Variants in RDH14 observed in about 807,000 individuals in gnomAD.
RDH14 encodes the protein alcohol dehydrogenase PAN2.
RDH14 carries 17 observed loss-of-function variants against 19.3 expected under a neutral mutation model. That is an observed-to-expected ratio of 0.88 (90% CI 0.60 to 1.32). RDH14 has a LOEUF of 1.32. RDH14 is among the 40% of genes most tolerant of loss of function. The pLI is 0.00. For missense variants in RDH14, 534 were observed against 449.2 expected, an observed-to-expected ratio of 1.19 and a Z score of -1.71; for synonymous variants, 215 against 188.9, an observed-to-expected ratio of 1.14 and a Z score of -1.13.
rs1315809648 is a variant in RDH14 at position 18,555,313 on chromosome 2, C to T, written c.889G>A (p.Gly297Arg). ...IYLASSPEVE[G>R]VSGRYFGDCK... ...TCCCCAAAGTATCTTCCTGACACTCCTTCTACCTCAGGTGAAGAGGCCAAA... is the reference window on the plus strand; with the variant it reads ...TCCCCAAAGTATCTTCCTGACACTCTTTCTACCTCAGGTGAAGAGGCCAAA... Residue 297 changes from glycine (G) to arginine (R), a missense_variant, in exon 2 of 2, where the codon GGA becomes AGA. Transcript: ENST00000381249. 1 of 1,614,094 alleles carries T rather than the reference C, an allele frequency of 6.2e-7. No individual in the cohort carries two copies. Among genetic ancestry groups the T allele is most frequent in the Admixed American group, 1.7e-5 (1 of 60,018 alleles).
chr2:18,558,928 T>TGA (rs1664000219), intron 1 of RDH14, among the ~76,000 whole-genome samples: 2 of 152,192 alleles, frequency 1.3e-5, no homozygotes, highest in African/African-American at 4.8e-5. Flanking sequence ...GATTGATGTC[T>TGA]CATGTCTCCC....
chr2:18,557,040 G>A (rs907766736), intron 1 of RDH14, among the ~76,000 whole-genome samples: 1 of 152,118 alleles, frequency 6.6e-6, no homozygotes, highest in African/African-American at 2.4e-5. Flanking sequence ...GCGTAAAGGG[G>A]ACTCTAGGAG....
In RDH14 at chr2:18,555,401, G is replaced by C. The variant is rs762476130; in HGVS notation, c.801C>G (p.Leu267=). ...HIHIPLLVKP[L]FNLVSWAFFK... is the part of the protein sequence containing the mutation. ...AAAAAGCCCATGACACCAAATTGAA[G>C]AGTGGTTTGACCAACAGTGGAATGT... The change falls in exon 2 of 2, where the codon CTC becomes CTG. Residue 267 remains leucine, a synonymous_variant. Transcript: ENST00000381249. 3 of 1,614,076 alleles carry C rather than the reference G, an allele frequency of 1.9e-6. No individual in the cohort carries two copies. In the Admixed American group the frequency reaches 5.0e-5, roughly 27 times the overall value.
At chr2:18,556,500 C>T (rs1014213179) in intron 1 of RDH14, among the ~76,000 whole-genome samples, 120 of 152,242 alleles carry the variant, frequency 7.9e-4, no homozygotes, top group African/African-American at 2.6e-3. Context: ...AAAATAGATG[C>T]AGAAGCTTGA....
In RDH14 at chr2:18,560,580, C is replaced by A; in HGVS notation, c.-8G>T. On this transcript the variant is annotated 5_prime_UTR_variant, in exon 1 of 2. Coordinates refer to ENST00000381249, the MANE Select transcript of RDH14 (RefSeq NM_020905.4). ...CGCAGTGGCCACTGCCATCGTCAGG[C>A]CCGAGGGCCCACCGGCCCCTCCACG... The A allele has an allele frequency of 7.0e-7, 1 of 1,428,480 alleles. No individual in the cohort carries two copies. The allele number at this position is 1,428,480 out of a possible 1,614,324, so 88.5% of individuals were successfully genotyped here.
rs925373367 is a variant in RDH14 at position 18,560,631 on chromosome 2, G to A, written c.-59C>T. The A allele has an allele frequency of 1.7e-5, 23 of 1,377,560 alleles. No individual in the cohort carries two copies. Among genetic ancestry groups the A allele is most frequent in the Non-Finnish European group, 2.0e-5 (22 of 1,075,066 alleles). 85.3% of individuals were successfully genotyped at this position (1,377,560 alleles called of 1,614,324 possible). A position where few individuals can be genotyped will look rare whatever the true frequency, so the allele number is the denominator to read the frequency against. On this transcript the variant is annotated 5_prime_UTR_variant, in exon 1 of 2. Transcript: ENST00000381249. ...GGAGTTCCGCAGCCGCCGCCTTACC[G>A]GAACCCAAGAGACCACCTGTACGCG...
intron 1 of RDH14, among the ~76,000 whole-genome samples, chr2:18,558,052 G>C (rs1663972627): frequency 6.6e-6 from 1 of 152,174 alleles, no homozygotes; most frequent in Non-Finnish European, 1.5e-5. Context: ...ACTAGCTCCA[G>C]GTGGTTCACA....
rs1289717880 is a variant in RDH14, at chr2:18,555,400, A to C, written c.802T>G (p.Phe268Val). 1 of 1,614,146 alleles carries C rather than the reference A, an allele frequency of 6.2e-7. No homozygotes were observed. Among genetic ancestry groups the C allele is most frequent in the Non-Finnish European group, 8.5e-7 (1 of 1,179,996 alleles). ...AAAAAAGCCCATGACACCAAATTGAAGAGTGGTTTGACCAACAGTGGAATG... is the reference window on the plus strand; with the variant it reads ...AAAAAAGCCCATGACACCAAATTGACGAGTGGTTTGACCAACAGTGGAATG... ...IHIPLLVKPL[F>V]NLVSWAFFKT... The change falls in exon 2 of 2, where the codon TTC (phenylalanine) becomes GTC (valine). Residue 268 changes from phenylalanine to valine, a missense_variant. Transcript: ENST00000381249.
At chr2:18,556,550 T>C (rs1663927558) in intron 1 of RDH14, among the ~76,000 whole-genome samples, 1 of 152,206 alleles carries the variant, frequency 6.6e-6, no homozygotes, top group South Asian at 2.1e-4. Context: ...TCACCACATC[T>C]AATTCCAACA....
rs1244533674 is a variant in RDH14 at position 18,555,687 on chromosome 2, G to T, written c.515C>A (p.Thr172Asn). 1 of 1,613,986 alleles carries T rather than the reference G, an allele frequency of 6.2e-7. No individual in the cohort carries two copies. The highest frequency in any genetic ancestry group is 8.5e-7 in the Non-Finnish European group (1 of 1,179,972). Residue 172 changes from threonine to asparagine, a missense_variant, in exon 2 of 2, where the codon ACC becomes AAC. Transcript: ENST00000381249. ...GVNHLGHFLL[T>N]NLLLGLLKSS... ...TTTGAGGAGTCCAAGGAGAAGATTG[G>T]TGAGTAGAAAGTGCCCCAGATGGTT... is the stretch of plus-strand genomic sequence containing the variant.
Position 18,560,529 on chromosome 2 carries a change from C to G in RDH14, c.44G>C (p.Gly15Ala). Residue 15 changes from glycine (G) to alanine (A), a missense_variant, in exon 1 of 2, where the codon GGG becomes GCG. Transcript: ENST00000381249. ...TAAAVLAALGGALWLAARRFV... is the reference protein window; with the variant it reads ...TAAAVLAALGAALWLAARRFV... The stretch of plus-strand genomic sequence containing the variant: ...CCGGCGGGCCGCCAGCCACAGCGCC[C>G]CGCCCAGAGCGGCCAGTACTGCCGC... 6.6e-7 allele frequency: 1 copy of G among 1,508,854 alleles called. No homozygotes were observed. The highest frequency in any genetic ancestry group is 8.8e-7 in the Non-Finnish European group (1 of 1,136,846). The allele number at this position is 1,508,854 out of a possible 1,614,324, so 93.5% of individuals were successfully genotyped here. A position where few individuals can be genotyped will look rare whatever the true frequency, so the allele number is the denominator to read the frequency against.
rs548024692 is a variant in RDH14, at chr2:18,560,506, G to A, written c.67C>T (p.Arg23Trp). 4.6e-6 allele frequency: 7 copies of A among 1,511,500 alleles called. No individual in the cohort carries two copies. The South Asian group carries it at 6.1e-5, about 13-fold the overall frequency. The allele number at this position is 1,511,500 out of a possible 1,614,324, so 93.6% of individuals were successfully genotyped here. The change falls in exon 1 of 2, where the codon CGG (arginine) becomes TGG (tryptophan). Residue 23 changes from arginine (R) to tryptophan (W), a missense_variant. By Grantham distance (101) the Arg-to-Trp change is moderately radical (BLOSUM62 -3). Coordinates refer to ENST00000381249, the MANE Select transcript of RDH14 (RefSeq NM_020905.4). ...LGGALWLAARRFVGPRVQRLR... is the reference protein window; with the variant it reads ...LGGALWLAARWFVGPRVQRLR... The stretch of plus-strand genomic sequence containing the variant: ...CGCTGGACCCTGGGCCCCACGAACC[G>A]GCGGGCCGCCAGCCACAGCGCCCCG...
rs1663871558 is a variant in RDH14, at chr2:18,555,106, A to G, written c.*85T>C. On this transcript the variant is annotated 3_prime_UTR_variant, in exon 2 of 2. Coordinates refer to ENST00000381249, the MANE Select transcript of RDH14 (RefSeq NM_020905.4). ...CCAATATCAAAATTCTTTTTCTTCAAGTAACAAGTTCTCAATCCACACCAT... is the reference window on the plus strand; with the variant it reads ...CCAATATCAAAATTCTTTTTCTTCAGGTAACAAGTTCTCAATCCACACCAT... The G allele has an allele frequency of 2.0e-6, 3 of 1,521,914 alleles. No homozygotes were observed. Among genetic ancestry groups the G allele is most frequent in the Non-Finnish European group, 2.6e-6 (3 of 1,138,388 alleles). 94.3% of individuals were successfully genotyped at this position (1,521,914 alleles called of 1,614,324 possible). A position where few individuals can be genotyped will look rare whatever the true frequency, so the allele number is the denominator to read the frequency against.
At chr2:18,555,938 G>A in intron 1 of RDH14, 130 bp from the exon 2 acceptor site, 1 of 1,428,228 alleles carries the variant, frequency 7.0e-7, no homozygotes, top group South Asian at 1.6e-5. Flanking sequence ...TTCAGTTGTT[G>A]GTCTATCGAT....
intron 1 of RDH14, among the ~76,000 whole-genome samples, chr2:18,557,181 G>T (rs1663945441): frequency 6.7e-6 from 1 of 149,294 alleles, no homozygotes; most frequent in South Asian, 2.2e-4. Context: ...GTCTTCTCTA[G>T]CCTTTTCTCG....
At position 18,560,598 on chromosome 2, in the gene RDH14, C is replaced by T; in HGVS notation, c.-26G>A. 2.1e-6 allele frequency: 3 copies of T among 1,395,818 alleles called. No homozygotes were observed. Among genetic ancestry groups the T allele is most frequent in the Middle Eastern group, 2.6e-4 (1 of 3,850 alleles). The allele number at this position is 1,395,818 out of a possible 1,614,324, so 86.5% of individuals were successfully genotyped here. On this transcript the variant is annotated 5_prime_UTR_variant, in exon 1 of 2. Coordinates refer to ENST00000381249, the MANE Select transcript of RDH14 (RefSeq NM_020905.4). ...CGTCAGGCCCGAGGGCCCACCGGCC[C>T]CTCCACGGGAGTTCCGCAGCCGCCG...
chr2:18,555,549 C>A lies in RDH14; in HGVS notation c.653G>T (p.Ser218Ile). ...EQSYNKSFCY[S>I]RSKLANILFT... Reference sequence around the variant, plus strand: ...AAGAATGTTAGCCAGTTTGCTCCGGCTATAACAAAAGCTTTTATTATAGCT... The same window carrying A: ...AAGAATGTTAGCCAGTTTGCTCCGGATATAACAAAAGCTTTTATTATAGCT... Residue 218 changes from serine (S) to isoleucine (I), a missense_variant, in exon 2 of 2, where the codon AGC becomes ATC. Physicochemically the swap from Ser to Ile is moderately radical, Grantham distance 142. Transcript: ENST00000381249. The A allele has an allele frequency of 6.2e-7, 1 of 1,614,102 alleles. No homozygotes were observed. The highest frequency in any genetic ancestry group is 8.5e-7 in the Non-Finnish European group (1 of 1,179,980).
At chr2:18,555,852 C>G (rs200910170) in intron 1 of RDH14, 44 bp from the exon 2 acceptor site, 2 of 1,538,060 alleles carry the variant, frequency 1.3e-6, no homozygotes, top group East Asian at 2.3e-5. Context: ...TAAGAACACA[C>G]GCCTTGTATT....
In RDH14 at chr2:18,555,298, A is replaced by G. The variant is rs200234641; in HGVS notation, c.904T>C (p.Tyr302His). 2.5e-6 allele frequency: 4 copies of G among 1,614,146 alleles called. No individual in the cohort carries two copies. The East Asian group carries it at 8.9e-5, about 36-fold the overall frequency. Residue 302 changes from tyrosine (Y) to histidine (H), a missense_variant, in exon 2 of 2, where the codon TAC (tyrosine) becomes CAC (histidine). Coordinates refer to ENST00000381249, the MANE Select transcript of RDH14 (RefSeq NM_020905.4). ...SPEVEGVSGR[Y>H]FGDCKEEELL... ...TCTTCCTCTTTACAATCCCCAAAGT[A>G]TCTTCCTGACACTCCTTCTACCTCA...
Sources: allele counts gnomAD v4.1 joint callset (sites outside exome capture counted in the v4.1 genomes callset), GRCh38; gene constraint gnomAD v4.1.1; transcripts MANE v1.5; gene names NCBI Gene and HGNC (gene_info 2026-07-23, HGNC 2026-07-21).